ARHGAP39: variants seen among roughly 807,000 people sequenced by gnomAD.
ARHGAP39 encodes Rho GTPase activating protein 39.
A neutral mutation model predicts 106.9 loss-of-function variants in ARHGAP39; 44 were observed. That is an observed-to-expected ratio of 0.41 (90% CI 0.32 to 0.53). The LOEUF (loss-of-function observed/expected upper bound fraction) is 0.53, where lower values mean the gene tolerates loss of function less well. Among genes scored for constraint, ARHGAP39 ranks in the 20% least tolerant of loss-of-function variants. The pLI, the probability that ARHGAP39 is intolerant of heterozygous loss-of-function variation, is 0.21. For synonymous variants in ARHGAP39, 768 were observed against 693.2 expected, an observed-to-expected ratio of 1.11 and a Z score of -1.69; for missense variants, 1,496 against 1,577.3, an observed-to-expected ratio of 0.95 and a Z score of 0.87.
intron 2 of ARHGAP39, among the ~76,000 whole-genome samples, chr8:144,595,000 C>T (rs1209992955): frequency 3.9e-5 from 6 of 152,150 alleles, no homozygotes; most frequent in African/African-American, 1.4e-4. Context: ...TGTGATTGCA[C>T]CTTCGCACTC....
At chr8:144,620,299 A>G (rs2130966576) in intron 1 of ARHGAP39, among the ~76,000 whole-genome samples, 1 of 75,146 alleles carries the variant, frequency 1.3e-5, no homozygotes, top group African/African-American at 5.6e-5. Flanking sequence ...CTGTGTGTCC[A>G]AGGGAGCGTG....
chr8:144,593,215 A>G (rs1819472886), intron 2 of ARHGAP39, among the ~76,000 whole-genome samples: 1 of 152,164 alleles, frequency 6.6e-6, no homozygotes, highest in African/African-American at 2.4e-5. Context: ...GCCTTTTCTG[A>G]TGAATGTAAT....
chr8:144,650,342 T>C (rs1821544265), intron 1 of ARHGAP39, among the ~76,000 whole-genome samples: 1 of 152,066 alleles, frequency 6.6e-6, no homozygotes, highest in Admixed American at 6.6e-5. Context: ...GCTGATACCA[T>C]TCCTACTGAA....
In ARHGAP39 at chr8:144,548,609, T is replaced by A; in HGVS notation, c.597-120A>T. The A allele has an allele frequency of 1.5e-6, 2 of 1,329,996 alleles. No homozygotes were observed. The highest frequency in any genetic ancestry group is 2.0e-6 in the Non-Finnish European group (2 of 1,001,868). 82.4% of individuals were successfully genotyped at this position (1,329,996 alleles called of 1,614,324 possible). Reference sequence around the variant, plus strand: ...ACCCTCTGTTGTACACCTTCCTCGCTGGGGCCCTGTGGCCTGGCGCCCCTC... The same window carrying A: ...ACCCTCTGTTGTACACCTTCCTCGCAGGGGCCCTGTGGCCTGGCGCCCCTC... On this transcript the variant is annotated intron_variant, in intron 4 of 11. Coordinates refer to ENST00000377307, the MANE Select transcript of ARHGAP39 (RefSeq NM_025251.3). The surrounding 1 kb of genome is among the most constrained non-coding windows in gnomAD (Gnocchi z 7.4).
At chr8:144,603,902 TC>T (rs202194296) in intron 2 of ARHGAP39, among the ~76,000 whole-genome samples, 4,073 of 152,132 alleles carry the variant, frequency 0.027, 93 homozygotes, top group Admixed American at 0.066. Flanking sequence ...GGACACAGGA[TC>T]CAGCGAGACG....
rs922038091 is a variant in ARHGAP39 at position 144,591,893 on chromosome 8, C to T, written c.81-10616G>A. Among the ~76,000 whole-genome samples, 12 of 152,008 alleles carry T rather than the reference C, an allele frequency of 7.9e-5. No individual in the cohort carries two copies. Among genetic ancestry groups the T allele is most frequent in the African/African-American group, 2.4e-4 (10 of 41,392 alleles). On this transcript the variant is annotated intron_variant, in intron 2 of 11. Coordinates refer to ENST00000377307, the MANE Select transcript of ARHGAP39 (RefSeq NM_025251.3). The surrounding 1 kb of genome is among the most constrained non-coding windows in gnomAD (Gnocchi z 5.3). ...CGTCGCCTCGTGCCTGCGGGGAGTG[C>T]TGCCTGTGGGGAGTGGTGCCTGTGG...
chr8:144,621,848 C>T (rs531828139), intron 1 of ARHGAP39, among the ~76,000 whole-genome samples: 1 of 152,274 alleles, frequency 6.6e-6, no homozygotes, highest in Admixed American at 6.5e-5. Context: ...AAAGCTCATG[C>T]TCATGTTCTC....
At chr8:144,695,399 T>A in the ARHGAP39 span, among the ~76,000 whole-genome samples, 1 of 151,488 alleles carries the variant, frequency 6.6e-6, no homozygotes, top group Admixed American at 6.6e-5. Context: ...TATACACCAT[T>A]AATTCATTTG....
At chr8:144,590,879 CAG>C in intron 2 of ARHGAP39, among the ~76,000 whole-genome samples, 1 of 151,916 alleles carries the variant, frequency 6.6e-6, no homozygotes, top group South Asian at 2.1e-4. Context: ...CCCTGGGGTC[CAG>C]CCAGAGGGTG....
In ARHGAP39 at chr8:144,646,271, G is replaced by T. The variant is rs1014649566; in HGVS notation, c.-82+39415C>A. ...CACGTATGGACCAGGCCAACAGGGGGCCCCAAACAGGAGTGAGAACAAGGG... is the reference window on the plus strand; with the variant it reads ...CACGTATGGACCAGGCCAACAGGGGTCCCCAAACAGGAGTGAGAACAAGGG... On this transcript the variant is annotated intron_variant, in intron 1 of 11. Transcript: ENST00000377307. This position sits in a 1 kb window ranked among gnomAD's most constrained non-coding sequence, Gnocchi z 5.7. Among the ~76,000 whole-genome samples, 1 of 152,188 alleles carries T rather than the reference G, an allele frequency of 6.6e-6. No individual in the cohort carries two copies. Among genetic ancestry groups the T allele is most frequent in the Non-Finnish European group, 1.5e-5 (1 of 68,034 alleles).
intron 1 of ARHGAP39, among the ~76,000 whole-genome samples, chr8:144,637,462 T>C (rs150814077): frequency 1.8e-4 from 27 of 152,196 alleles, no homozygotes; most frequent in African/African-American, 4.3e-4. Context: ...ATACAAAAAT[T>C]AGCTGGGCAT....
intron 3 of ARHGAP39, among the ~76,000 whole-genome samples, chr8:144,558,538 C>CT (rs1230622007): frequency 6.6e-6 from 1 of 152,028 alleles, no homozygotes; most frequent in Non-Finnish European, 1.5e-5. Context: ...GGTGATCCAC[C>CT]TGCCTTGGCC....
chr8:144,578,662 AC>A (rs1818856110), intron 3 of ARHGAP39, among the ~76,000 whole-genome samples: 1 of 152,120 alleles, frequency 6.6e-6, no homozygotes, highest in Non-Finnish European at 1.5e-5. Flanking sequence ...AGCCTGGGCA[AC>A]ATAGTGAAAC....
intron 1 of ARHGAP39, among the ~76,000 whole-genome samples, chr8:144,618,933 A>C (rs1820710872): frequency 1.3e-5 from 2 of 152,190 alleles, no homozygotes. Context: ...CAACCCTATG[A>C]GGCAGGTGTG....
At chr8:144,689,600 C>T (rs1822703670), upstream of ARHGAP39, among the ~76,000 whole-genome samples, 1 of 150,710 alleles carries the variant, frequency 6.6e-6, no homozygotes, top group African/African-American at 2.4e-5. Context: ...CCACACCCGG[C>T]TAATTTTTGT....
chr8:144,541,300 G>A lies in ARHGAP39; in HGVS notation c.2522-3487C>T, dbSNP rs143968875. ...TCCCACCATCGGCCCAGGATTTACCGTTTGTGGTCCACATGCTCCACCTTC... is the reference window on the plus strand; with the variant it reads ...TCCCACCATCGGCCCAGGATTTACCATTTGTGGTCCACATGCTCCACCTTC... On this transcript the variant is annotated intron_variant, in intron 6 of 11. Coordinates refer to ENST00000377307, the MANE Select transcript of ARHGAP39 (RefSeq NM_025251.3). Among the ~76,000 whole-genome samples the A allele has an allele frequency of 3.5e-4, 54 of 152,278 alleles. No individual in the cohort carries two copies. In the East Asian group the frequency reaches 9.6e-3, roughly 27 times the overall value.
chr8:144,673,132 G>A (rs150604861), intron 1 of ARHGAP39, among the ~76,000 whole-genome samples: 1,657 of 151,984 alleles, frequency 0.011, 75 homozygotes, highest in Admixed American at 0.082. Context: ...CAGGAGGATC[G>A]CTTGAGCCCA....
upstream of ARHGAP39, among the ~76,000 whole-genome samples, chr8:144,687,012 AC>A (rs1290281342): frequency 4.7e-3 from 243 of 51,404 alleles, 1 homozygote; most frequent in Middle Eastern, 8.9e-3. Context: ...ACCATTTCCC[AC>A]CCCCGTGACC....
At chr8:144,668,052 A>G (rs147865332) in intron 1 of ARHGAP39, among the ~76,000 whole-genome samples, 43 of 152,200 alleles carry the variant, frequency 2.8e-4, no homozygotes, top group African/African-American at 9.9e-4. Context: ...TCAGGACTCA[A>G]AAAAGCTAGT....
Sources: allele counts gnomAD v4.1 joint callset (sites outside exome capture counted in the v4.1 genomes callset), GRCh38; gene constraint gnomAD v4.1.1; non-coding constraint Gnocchi (gnomAD v3.1); transcripts MANE v1.5; gene names NCBI Gene and HGNC (gene_info 2026-07-23, HGNC 2026-07-21).